FEZ2: variants seen among roughly 807,000 people sequenced by gnomAD.
FEZ2 encodes fasciculation and elongation protein zeta 2.
Under a neutral mutation model 40.4 loss-of-function variants are expected in FEZ2, and 51 were observed. The ratio of observed to expected loss-of-function variants is 1.26; its 90% CI spans 1.01 to 1.59. The LOEUF (loss-of-function observed/expected upper bound fraction) is 1.59, where lower values mean the gene tolerates loss of function less well. Ranked by LOEUF, FEZ2 falls within the 40% of genes most tolerant of loss-of-function variation. The probability of loss-of-function intolerance (pLI) is 0.00; values close to 1 mark genes in which losing one functional copy is unlikely to be tolerated. For missense variants in FEZ2, 640 were observed against 438.3 expected, an observed-to-expected ratio of 1.46 and a Z score of -4.11; for synonymous variants, 242 against 172.0, an observed-to-expected ratio of 1.41 and a Z score of -3.18.
At chr2:36,561,750 C>T (rs1668097701) in intron 5 of FEZ2, among the ~76,000 whole-genome samples, 1 of 152,198 alleles carries the variant, frequency 6.6e-6, no homozygotes, top group Non-Finnish European at 1.5e-5. Flanking sequence ...GAAGGCCTGA[C>T]TCACTTGATG....
In FEZ2 at chr2:36,578,453, G is replaced by A. The variant is rs561095398; in HGVS notation, c.903+144C>T. 1.6e-4 allele frequency: 140 copies of A among 878,068 alleles called. 1 individual carries two copies. In the South Asian group the frequency reaches 2.3e-3, roughly 14 times the overall value. 54.4% of individuals were successfully genotyped at this position (878,068 alleles called of 1,614,324 possible). A position where few individuals can be genotyped will look rare whatever the true frequency, so the allele number is the denominator to read the frequency against. Reference sequence around the variant, plus strand: ...AGAAGCTGAGCACAGCGGTATTCTGGAATAAAATCCCACTGGGCTCTGATT... The same window carrying A: ...AGAAGCTGAGCACAGCGGTATTCTGAAATAAAATCCCACTGGGCTCTGATT... On this transcript the variant is annotated intron_variant, in intron 5 of 7. Transcript: ENST00000405912.
chr2:36,579,940 C>A (rs1668683758), intron 4 of FEZ2, among the ~76,000 whole-genome samples: 1 of 152,106 alleles, frequency 6.6e-6, no homozygotes, highest in Non-Finnish European at 1.5e-5. Flanking sequence ...AGGATAGGCC[C>A]TAACCCAACA....
chr2:36,583,267 A>T, intron 3 of FEZ2, 86 bp downstream of exon 3: 1 of 727,570 alleles, frequency 1.4e-6, no homozygotes, highest in South Asian at 1.5e-5. Flanking sequence ...AAGTAAACCA[A>T]CAGCCATCAT....
At chr2:36,553,759 TG>T (rs1479517564) in intron 7 of FEZ2, among the ~76,000 whole-genome samples, 4 of 152,038 alleles carry the variant, frequency 2.6e-5, no homozygotes, top group Non-Finnish European at 4.4e-5. Context: ...TAAAACTAAG[TG>T]GTGTATTTAG....
intron 1 of FEZ2, among the ~76,000 whole-genome samples, chr2:36,595,801 G>A (rs1032438445): frequency 1.3e-5 from 2 of 152,168 alleles, no homozygotes; most frequent in African/African-American, 2.4e-5. Context: ...GCATTCCCAA[G>A]TCAAGAGACA....
rs1572995491 is a variant in FEZ2 at position 36,553,008 on chromosome 2, T to C, written c.*155A>G. The stretch of plus-strand genomic sequence containing the variant: ...CCATATTTCCGTTGGTTCTATAATA[T>C]AAAGAATTAGTGTAGTCAAGATCTG... On this transcript the variant is annotated 3_prime_UTR_variant, in exon 8 of 8. Coordinates refer to ENST00000405912, the MANE Select transcript of FEZ2 (RefSeq NM_005102.3). The C allele has an allele frequency of 8.4e-6, 5 of 592,400 alleles. No homozygotes were observed. The highest frequency in any genetic ancestry group is 5.7e-5 in the East Asian group (2 of 34,948). 36.7% of individuals were successfully genotyped at this position (592,400 alleles called of 1,614,324 possible).
At chr2:36,576,664 A>G (rs848597) in intron 5 of FEZ2, among the ~76,000 whole-genome samples, 93,014 of 152,128 alleles carry the variant, frequency 0.61, 29,315 homozygotes, top group East Asian at 0.85. Flanking sequence ...CAAATTGTAA[A>G]TCAGGCAAAA....
intron 5 of FEZ2, among the ~76,000 whole-genome samples, chr2:36,568,339 T>C (rs1177355903): frequency 6.6e-6 from 1 of 152,152 alleles, no homozygotes; most frequent in African/African-American, 2.4e-5. Flanking sequence ...AAAGATTTGT[T>C]ACTAAATAAA....
intron 5 of FEZ2, among the ~76,000 whole-genome samples, chr2:36,570,649 G>A (rs1388529393): frequency 2.0e-5 from 3 of 152,194 alleles, no homozygotes; most frequent in African/African-American, 7.2e-5. Flanking sequence ...CTACATAATT[G>A]TATAGTCTAC....
intron 1 of FEZ2, 97 bp downstream of exon 1, chr2:36,597,780 A>T (rs1010648478): frequency 2.1e-6 from 2 of 940,942 alleles, no homozygotes; most frequent in Non-Finnish European, 2.8e-6. Flanking sequence ...GTCCGGGCGG[A>T]AGGAGGGCGC....
At chr2:36,587,174 CAT>C (rs1211195802) in intron 2 of FEZ2, among the ~76,000 whole-genome samples, 8 of 152,290 alleles carry the variant, frequency 5.3e-5, no homozygotes, top group African/African-American at 1.7e-4. Flanking sequence ...GGCCAAAACA[CAT>C]GAGTAATAAC....
At chr2:36,561,858 G>A (rs1301401288) in intron 5 of FEZ2, among the ~76,000 whole-genome samples, 1 of 152,200 alleles carries the variant, frequency 6.6e-6, no homozygotes, top group Non-Finnish European at 1.5e-5. Flanking sequence ...AGGGGCAGAA[G>A]AAAGGAAACC....
In FEZ2 at chr2:36,552,512, A is replaced by AATTT. The variant is rs2125214347; in HGVS notation, c.*650_*651insAAAT. The AATTT allele has an allele frequency of 4.1e-6, 1 of 245,654 alleles. No individual in the cohort carries two copies. Among genetic ancestry groups the AATTT allele is most frequent in the African/African-American group, 2.3e-5 (1 of 43,564 alleles). The allele number at this position is 245,654 out of a possible 1,614,324, so 15.2% of individuals were successfully genotyped here. A position where few individuals can be genotyped will look rare whatever the true frequency, so the allele number is the denominator to read the frequency against. On this transcript the variant is annotated 3_prime_UTR_variant, in exon 8 of 8. Coordinates refer to ENST00000405912, the MANE Select transcript of FEZ2 (RefSeq NM_005102.3). ...ATGAAGCAGAACATTTGAAAATCAA[A>AATTT]ACTTAAATACAAGATTCTAAAAGTG...
intron 5 of FEZ2, among the ~76,000 whole-genome samples, chr2:36,559,680 G>A (rs1668043122): frequency 6.6e-6 from 1 of 152,192 alleles, no homozygotes; most frequent in South Asian, 2.1e-4. Context: ...TGTCCTCCTG[G>A]CTTCACTCTG....
At chr2:36,568,525 T>A (rs563298329) in intron 5 of FEZ2, among the ~76,000 whole-genome samples, 1 of 152,270 alleles carries the variant, frequency 6.6e-6, no homozygotes, top group East Asian at 1.9e-4. Flanking sequence ...TGGTGAAAAT[T>A]CTGAATCTGA....
At chr2:36,559,483 T>A in intron 5 of FEZ2, among the ~76,000 whole-genome samples, 1 of 152,194 alleles carries the variant, frequency 6.6e-6, no homozygotes, top group Non-Finnish European at 1.5e-5. Flanking sequence ...AAAAACAGGA[T>A]AAAGAAAGCT....
chr2:36,567,129 G>A (rs1317105207), intron 5 of FEZ2, among the ~76,000 whole-genome samples: 2 of 152,126 alleles, frequency 1.3e-5, no homozygotes, highest in Admixed American at 1.3e-4. Flanking sequence ...CTTGCATAGT[G>A]CCTGGGCCAT....
rs182187821 is a variant in FEZ2 at position 36,596,272 on chromosome 2, T to C, written c.266+1605A>G. ...GCTCAGCCATGTTTACAGGCCCCAC[T>C]CCCAAGGCTGTCTTTACAAGCTTCC... On this transcript the variant is annotated intron_variant, in intron 1 of 7. Coordinates refer to ENST00000405912, the MANE Select transcript of FEZ2 (RefSeq NM_005102.3). 2.6e-5 allele frequency among the ~76,000 whole-genome samples: 4 copies of C among 152,320 alleles called. No individual in the cohort carries two copies. The East Asian group carries it at 7.7e-4, about 29-fold the overall frequency.
chr2:36,584,821 A>G (rs1668856345), intron 2 of FEZ2, among the ~76,000 whole-genome samples: 2 of 152,236 alleles, frequency 1.3e-5, no homozygotes, highest in Non-Finnish European at 1.5e-5. Context: ...AGGTGAACAC[A>G]GCCTACAGAG....
Sources: gnomAD v4.1 joint callset for allele counts (sites outside exome capture counted in the v4.1 genomes callset) on GRCh38, gnomAD v4.1.1 for gene constraint, MANE v1.5 for transcripts, NCBI Gene and HGNC (gene_info 2026-07-23, HGNC 2026-07-21) for gene names.